ASTN2: variants seen among roughly 807,000 people sequenced by gnomAD.
ASTN2 encodes astrotactin-2.
In ASTN2, 54 loss-of-function variants were observed where a neutral mutation model predicts 139.8. The ratio of observed to expected loss-of-function variants is 0.39; its 90% CI spans 0.31 to 0.48. The LOEUF (loss-of-function observed/expected upper bound fraction) is 0.48. Among genes scored for constraint, ASTN2 ranks in the 20% least tolerant of loss-of-function variants. ASTN2 has a pLI of 0.95. For missense variants in ASTN2, 1,565 were observed against 1,725.1 expected (o/e 0.91, Z 1.64); for synonymous variants, 756 against 719.5 (o/e 1.05, Z -0.81).
At chr9:116,987,854 C>G (rs1836730699) in intron 7 of ASTN2, among the ~76,000 whole-genome samples, 1 of 152,144 alleles carries the variant, frequency 6.6e-6, no homozygotes, top group African/African-American at 2.4e-5. Flanking sequence ...CACTGTGACA[C>G]CTTGACAGAT....
rs190862512 is a variant in ASTN2 at position 117,272,101 on chromosome 9, G to A, written c.630+19225C>T. Among the ~76,000 whole-genome samples the A allele has an allele frequency of 9.8e-5, 15 of 152,300 alleles. No homozygotes were observed. In the East Asian group the frequency reaches 2.1e-3, roughly 22 times the overall value. The stretch of plus-strand genomic sequence containing the variant: ...GGCCCTGCCCCTGCAGCAAACTTTT[G>A]CCTGGGCTTCAAGGCGTTTCCACAC... On this transcript the variant is annotated intron_variant, in intron 2 of 22. Coordinates refer to ENST00000313400, the MANE Select transcript of ASTN2 (RefSeq NM_001365068.1).
In ASTN2 at chr9:116,606,343, G is replaced by A. The variant is rs886965907; in HGVS notation, c.3355+11981C>T. Reference sequence around the variant, plus strand: ...GGGGTAGGAGACAGGGAGGGAGAGTGAGCATTTCAAAAGTTAGTTCAGAAG... The same window carrying A: ...GGGGTAGGAGACAGGGAGGGAGAGTAAGCATTTCAAAAGTTAGTTCAGAAG... On this transcript the variant is annotated intron_variant, in intron 19 of 22. Transcript: ENST00000313400. Among the ~76,000 whole-genome samples, 7 of 152,294 alleles carry A rather than the reference G, an allele frequency of 4.6e-5. 1 individual carries two copies. In the South Asian group the frequency reaches 1.2e-3, roughly 27 times the overall value.
intron 3 of ASTN2, among the ~76,000 whole-genome samples, chr9:117,149,300 G>T (rs1168285700): frequency 6.6e-6 from 1 of 152,168 alleles, no homozygotes; most frequent in Admixed American, 6.5e-5. Flanking sequence ...TTACAGGCAT[G>T]AGCCACTACA....
chr9:116,628,913 G>A (rs1324785349), intron 17 of ASTN2, among the ~76,000 whole-genome samples: 2 of 152,112 alleles, frequency 1.3e-5, no homozygotes, highest in Admixed American at 6.5e-5. Context: ...CTGCCAGCTG[G>A]CATCCTCTCC....
intron 1 of ASTN2, among the ~76,000 whole-genome samples, chr9:117,364,781 A>G (rs1219833666): frequency 6.6e-6 from 1 of 152,088 alleles, no homozygotes; most frequent in Non-Finnish European, 1.5e-5. Context: ...TTCTATAATG[A>G]GACACAATAA....
In ASTN2 at chr9:116,919,047, C is replaced by G. The variant is rs548852905; in HGVS notation, c.1890-55314G>C. ...AAACTTCCCTGAGCCTCAGTTTTCT[C>G]ATCTCTAAAAGGGAGCTGACAGTTG... On this transcript the variant is annotated intron_variant, in intron 10 of 22. Coordinates refer to ENST00000313400, the MANE Select transcript of ASTN2 (RefSeq NM_001365068.1). Among the ~76,000 whole-genome samples, 14 of 151,922 alleles carry G rather than the reference C, an allele frequency of 9.2e-5. No individual in the cohort carries two copies. In the South Asian group the frequency reaches 2.9e-3, roughly 32 times the overall value.
Position 117,035,463 on chromosome 9 carries a change from T to C in ASTN2, c.1423+4356A>G, listed in dbSNP as rs184814545. ...AAATAGGCACTATTATCGCTTTCCC[T>C]CTCATCCCCCTATGTAATACCCTCA... On this transcript the variant is annotated intron_variant, in intron 6 of 22. Coordinates refer to ENST00000313400, the MANE Select transcript of ASTN2 (RefSeq NM_001365068.1). Among the ~76,000 whole-genome samples the C allele has an allele frequency of 3.9e-4, 59 of 152,272 alleles. 1 individual carries two copies. The South Asian group carries it at 8.7e-3, about 22-fold the overall frequency.
At chr9:116,707,646 C>T (rs1287043672) in intron 16 of ASTN2, among the ~76,000 whole-genome samples, 1 of 152,060 alleles carries the variant, frequency 6.6e-6, no homozygotes, top group Non-Finnish European at 1.5e-5. Context: ...ATTGGAAATC[C>T]AAAATTAAAG....
intron 16 of ASTN2, among the ~76,000 whole-genome samples, chr9:116,654,108 G>C (rs1858076148): frequency 6.6e-6 from 1 of 152,214 alleles, no homozygotes; most frequent in Non-Finnish European, 1.5e-5. Context: ...GGTCAAGAGA[G>C]AGTCAGAGCA....
intron 7 of ASTN2, among the ~76,000 whole-genome samples, chr9:116,987,031 C>A (rs116997993): frequency 0.017 from 2,516 of 152,276 alleles, 33 homozygotes; most frequent in Non-Finnish European, 0.025. Flanking sequence ...CTGCCACAAC[C>A]CCTCTGCAAA....
intron 10 of ASTN2, among the ~76,000 whole-genome samples, chr9:116,965,998 A>G (rs1423706133): frequency 6.6e-6 from 1 of 152,184 alleles, no homozygotes; most frequent in African/African-American, 2.4e-5. Flanking sequence ...CCTCTGCCCA[A>G]AATGCTGCTT....
intron 16 of ASTN2, among the ~76,000 whole-genome samples, chr9:116,684,103 G>A (rs774820219): frequency 1.4e-4 from 22 of 152,158 alleles, no homozygotes; most frequent in Non-Finnish European, 8.8e-5. Flanking sequence ...TGAGAAGAGA[G>A]GAATTTACCC....
chr9:116,928,001 C>T (rs1395155030), intron 10 of ASTN2, among the ~76,000 whole-genome samples: 2 of 152,214 alleles, frequency 1.3e-5, no homozygotes, highest in African/African-American at 2.4e-5. Context: ...AGTATCTCCT[C>T]CTTGCTTTCA....
At chr9:116,458,511 A>G (rs1006906070) in intron 20 of ASTN2, among the ~76,000 whole-genome samples, 2 of 151,964 alleles carry the variant, frequency 1.3e-5, no homozygotes, top group African/African-American at 4.8e-5. Flanking sequence ...GTACCCATAA[A>G]AATTCGAAAT....
At chr9:116,760,933 G>A (rs1464706181) in intron 13 of ASTN2, among the ~76,000 whole-genome samples, 2 of 152,194 alleles carry the variant, frequency 1.3e-5, no homozygotes, top group Non-Finnish European at 2.9e-5. Context: ...AGGGGAGGAC[G>A]CGGAGGTGGG....
At chr9:116,899,522 C>T (rs994722045) in intron 10 of ASTN2, among the ~76,000 whole-genome samples, 1 of 152,192 alleles carries the variant, frequency 6.6e-6, no homozygotes. Flanking sequence ...AAAAACCCAA[C>T]ATAGGAGAAA....
At chr9:116,612,369 G>T (rs1001154432) in intron 19 of ASTN2, 2 of 152,136 alleles carry the variant, frequency 1.3e-5, no homozygotes, top group Non-Finnish European at 2.9e-5. Flanking sequence ...GCACCAAGCG[G>T]ACCTAATAGA....
intron 16 of ASTN2, chr9:116,686,929 C>G: frequency 6.7e-7 from 1 of 1,494,256 alleles, no homozygotes; most frequent in Non-Finnish European, 8.9e-7. Context: ...TTCCGTTGGC[C>G]CATTTCTCAG....
chr9:117,050,084 T>C (rs1365977160), intron 5 of ASTN2, among the ~76,000 whole-genome samples: 1 of 152,102 alleles, frequency 6.6e-6, no homozygotes, highest in Non-Finnish European at 1.5e-5. Context: ...CTGATACCCA[T>C]ATTAGCCCTG....
Sources: allele counts gnomAD v4.1 joint callset (sites outside exome capture counted in the v4.1 genomes callset), GRCh38; gene constraint gnomAD v4.1.1; transcripts MANE v1.5; gene names NCBI Gene and HGNC (gene_info 2026-07-23, HGNC 2026-07-21).